LRMDA: variants seen among roughly 807,000 people sequenced by gnomAD.
LRMDA encodes the protein leucine-rich melanocyte differentiation-associated protein.
In LRMDA, 18 loss-of-function variants were observed where a neutral mutation model predicts 29.8. The ratio of observed to expected loss-of-function variants is 0.60; its 90% CI spans 0.42 to 0.90. The LOEUF is 0.90. Among genes scored for constraint, LRMDA ranks in the 40% least tolerant of loss-of-function variants. The pLI, the probability that LRMDA is intolerant of heterozygous loss-of-function variation, is 0.00. For missense variants in LRMDA, 273 were observed against 273.9 expected (o/e 1.00, Z 0.02); for synonymous variants, 125 against 109.4 (o/e 1.14, Z -0.89).
chr10:75,518,549 C>G (rs879359328), intron 2 of LRMDA, among the ~76,000 whole-genome samples: 4 of 152,058 alleles, frequency 2.6e-5, no homozygotes, highest in Admixed American at 1.3e-4. Flanking sequence ...TGATGATGTC[C>G]CTTTTATCAT....
intron 6 of LRMDA, among the ~76,000 whole-genome samples, chr10:76,416,723 A>G (rs1397712928): frequency 1.3e-5 from 2 of 152,216 alleles, no homozygotes; most frequent in African/African-American, 2.4e-5. Context: ...AAGTAGTCGT[A>G]ATAATATCAC....
intron 2 of LRMDA, among the ~76,000 whole-genome samples, chr10:75,751,257 T>C (rs1369745784): frequency 1.3e-5 from 2 of 150,050 alleles, no homozygotes; most frequent in Non-Finnish European, 3.0e-5. Flanking sequence ...TGAGCCGAGA[T>C]GGCGGCAGCA....
intron 6 of LRMDA, among the ~76,000 whole-genome samples, chr10:76,348,233 G>T (rs1275653316): frequency 2.6e-5 from 4 of 152,158 alleles, no homozygotes; most frequent in African/African-American, 9.7e-5. Context: ...AAGGGTGAAC[G>T]ATCTTAGGGA....
chr10:75,967,925 C>T (rs953375347), intron 2 of LRMDA, among the ~76,000 whole-genome samples: 8 of 152,124 alleles, frequency 5.3e-5, no homozygotes, highest in Non-Finnish European at 7.3e-5. Context: ...TAATGTGTCC[C>T]GTTCCATTTA....
chr10:76,426,701 A>G (rs1194954419), intron 6 of LRMDA, among the ~76,000 whole-genome samples: 5 of 152,098 alleles, frequency 3.3e-5, no homozygotes, highest in African/African-American at 1.2e-4. Flanking sequence ...GAATGGTATT[A>G]CCTGGGTTTT....
chr10:75,604,036 T>C (rs1840922361), intron 2 of LRMDA, among the ~76,000 whole-genome samples: 1 of 152,134 alleles, frequency 6.6e-6, no homozygotes, highest in African/African-American at 2.4e-5. Flanking sequence ...CCCCATACAT[T>C]GTAATGATGA....
At chr10:75,762,308 A>C (rs1843107299) in intron 2 of LRMDA, among the ~76,000 whole-genome samples, 1 of 152,218 alleles carries the variant, frequency 6.6e-6, no homozygotes, top group African/African-American at 2.4e-5. Flanking sequence ...GATGGCTTTG[A>C]ATGCGACCCA....
At chr10:75,609,181 C>T (rs1407414991) in intron 2 of LRMDA, among the ~76,000 whole-genome samples, 1 of 152,030 alleles carries the variant, frequency 6.6e-6, no homozygotes, top group African/African-American at 2.4e-5. Flanking sequence ...GAATCAAGCC[C>T]AAAGTATTAG....
At chr10:76,399,455 C>A (rs1841824780) in intron 6 of LRMDA, among the ~76,000 whole-genome samples, 1 of 152,200 alleles carries the variant, frequency 6.6e-6, no homozygotes, top group Admixed American at 6.5e-5. Flanking sequence ...ATCCTCATTC[C>A]AAGCTATAAA....
chr10:76,017,698 T>TGATGAAAATG, intron 2 of LRMDA, among the ~76,000 whole-genome samples: 1 of 152,094 alleles, frequency 6.6e-6, no homozygotes, highest in East Asian at 1.9e-4. Context: ...CCATCAACGG[T>TGATGAAAATG]GATGAAAATG....
At chr10:76,521,591 GAATAAACATCA>G (rs2132362243) in intron 6 of LRMDA, among the ~76,000 whole-genome samples, 1 of 152,272 alleles carries the variant, frequency 6.6e-6, no homozygotes, top group South Asian at 2.1e-4. Context: ...TAGTTCCTTA[GAATAAACATCA>G]AGAATTGGAA....
chr10:76,238,213 C>CA (rs1453929875), intron 5 of LRMDA, among the ~76,000 whole-genome samples: 1 of 152,144 alleles, frequency 6.6e-6, no homozygotes, highest in African/African-American at 2.4e-5. Context: ...GAGAGAAACT[C>CA]AGAGATTGCC....
intron 5 of LRMDA, among the ~76,000 whole-genome samples, chr10:76,085,918 A>G (rs1454136784): frequency 1.3e-5 from 2 of 152,214 alleles, no homozygotes; most frequent in African/African-American, 4.8e-5. Context: ...ACAAAACACA[A>G]GCATCTGCCC....
At chr10:75,834,755 G>A (rs981670045) in intron 2 of LRMDA, among the ~76,000 whole-genome samples, 1 of 152,064 alleles carries the variant, frequency 6.6e-6, no homozygotes, top group Non-Finnish European at 1.5e-5. Context: ...ATTTCCTTCC[G>A]AGCTCTCAGC....
chr10:75,694,035 C>CA (rs1842202827), intron 2 of LRMDA, among the ~76,000 whole-genome samples: 1 of 152,006 alleles, frequency 6.6e-6, no homozygotes, highest in South Asian at 2.1e-4. Flanking sequence ...AAAAGTAATG[C>CA]AAAATGCATT....
chr10:75,653,767 T>A (rs1352697875), intron 2 of LRMDA, among the ~76,000 whole-genome samples: 2 of 152,232 alleles, frequency 1.3e-5, no homozygotes, highest in Non-Finnish European at 1.5e-5. Flanking sequence ...GATCTTATAC[T>A]TGTGTGTGAA....
At chr10:75,875,922 T>C (rs1261863649) in intron 2 of LRMDA, among the ~76,000 whole-genome samples, 1 of 152,082 alleles carries the variant, frequency 6.6e-6, no homozygotes, top group Non-Finnish European at 1.5e-5. Context: ...TATTGGACCC[T>C]GGTGGTAGGA....
chr10:75,628,255 G>A (rs1841277819), intron 2 of LRMDA, among the ~76,000 whole-genome samples: 3 of 152,178 alleles, frequency 2.0e-5, no homozygotes, highest in Non-Finnish European at 1.5e-5. Flanking sequence ...AGTGCATAAA[G>A]TTTAACTTTT....
At chr10:76,469,552 T>A (rs1338214867) in intron 6 of LRMDA, among the ~76,000 whole-genome samples, 1 of 152,038 alleles carries the variant, frequency 6.6e-6, no homozygotes, top group Non-Finnish European at 1.5e-5. Flanking sequence ...TTTTTCTCAG[T>A]GGGAGAGCAG....
Sources: gnomAD v4.1 joint callset for allele counts (sites outside exome capture counted in the v4.1 genomes callset) on GRCh38, gnomAD v4.1.1 for gene constraint, MANE v1.5 for transcripts, NCBI Gene and HGNC (gene_info 2026-07-23, HGNC 2026-07-21) for gene names.